The following UBR3 variants were observed in gnomAD, a reference collection of about 807,000 sequenced individuals.
UBR3 encodes E3 ubiquitin-protein ligase UBR3.
In UBR3, 85 loss-of-function variants were observed where a neutral mutation model predicts 243.2. The ratio of observed to expected loss-of-function variants is 0.35; its 90% CI spans 0.29 to 0.42. The LOEUF is 0.42. UBR3 is among the 10% of genes least tolerant of loss of function. The pLI is 1.00. For synonymous variants in UBR3, 748 were observed against 799.8 expected (o/e 0.94, Z 1.09); for missense variants, 1,686 against 2,300.8 (o/e 0.73, Z 5.47).
intron 1 of UBR3, among the ~76,000 whole-genome samples, chr2:169,844,470 A>AGT (rs1380337742): frequency 6.7e-6 from 1 of 148,306 alleles, no homozygotes; most frequent in Non-Finnish European, 1.5e-5. Flanking sequence ...ATGTCTGTAA[A>AGT]GTATGTAGTG....
intron 31 of UBR3, among the ~76,000 whole-genome samples, chr2:170,038,490 T>C (rs1268938253): frequency 6.6e-6 from 1 of 152,196 alleles, no homozygotes; most frequent in Non-Finnish European, 1.5e-5. Context: ...CTGTGGAAAC[T>C]TCTTCCAGGC....
intron 37 of UBR3, 35 bp from the exon 38 acceptor site, chr2:170,080,510 T>C: frequency 6.5e-7 from 1 of 1,533,176 alleles, no homozygotes; most frequent in Non-Finnish European, 8.8e-7. Flanking sequence ...GCCTATTTGA[T>C]TATGAAGTTC....
intron 26 of UBR3, 128 bp from the exon 27 acceptor site, chr2:170,001,175 AC>A: frequency 3.1e-6 from 2 of 647,672 alleles, no homozygotes; most frequent in Non-Finnish European, 5.1e-6. Flanking sequence ...AATTGATATC[AC>A]AAGAATAGAA....
intron 11 of UBR3, among the ~76,000 whole-genome samples, chr2:169,914,739 C>G (rs1237925407): frequency 6.6e-6 from 1 of 152,144 alleles, no homozygotes; most frequent in Admixed American, 6.6e-5. Context: ...AAAAGAAAGA[C>G]CATGTTTCAG....
chr2:170,077,360 T>C, intron 36 of UBR3: 1 of 964,414 alleles, frequency 1.0e-6, no homozygotes, highest in Admixed American at 1.8e-5. Context: ...GTACCTTTGG[T>C]AATAACATCC....
At chr2:169,891,806 A>T (rs567752136) in intron 6 of UBR3, among the ~76,000 whole-genome samples, 4 of 152,164 alleles carry the variant, frequency 2.6e-5, no homozygotes, top group Admixed American at 6.5e-5. Context: ...CATGTTAGAG[A>T]TTATGGCTAA....
intron 14 of UBR3, among the ~76,000 whole-genome samples, chr2:169,926,206 G>A (rs571115384): frequency 6.6e-6 from 1 of 152,320 alleles, no homozygotes; most frequent in Non-Finnish European, 1.5e-5. Context: ...TGTTTAGTAT[G>A]TTCAGGAATT....
At chr2:169,843,473 T>A (rs35964876) in intron 1 of UBR3, among the ~76,000 whole-genome samples, 64,438 of 152,058 alleles carry the variant, frequency 0.42, 15,278 homozygotes, top group Non-Finnish European at 0.54. Flanking sequence ...CCCCTAATGA[T>A]GTAATCACTT....
intron 1 of UBR3, among the ~76,000 whole-genome samples, chr2:169,867,311 A>G (rs1281764429): frequency 6.6e-6 from 1 of 152,142 alleles, no homozygotes; most frequent in African/African-American, 2.4e-5. Context: ...TGTATATACA[A>G]TTCATTTCTC....
intron 36 of UBR3, among the ~76,000 whole-genome samples, chr2:170,074,715 C>T (rs1365543112): frequency 2.0e-5 from 3 of 152,170 alleles, no homozygotes; most frequent in African/African-American, 7.2e-5. Context: ...GAAGATTTGT[C>T]TGATAGTCCA....
chr2:169,983,194 A>C (rs139001352), intron 24 of UBR3, among the ~76,000 whole-genome samples: 9 of 151,242 alleles, frequency 6.0e-5, no homozygotes, highest in African/African-American at 1.9e-4. Flanking sequence ...AAACTATGCA[A>C]GATCACCTGA....
chr2:169,836,189 T>C (rs1045082255), intron 1 of UBR3, among the ~76,000 whole-genome samples: 2 of 143,862 alleles, frequency 1.4e-5, no homozygotes, highest in Admixed American at 7.3e-5. Context: ...GTTCAAGCAA[T>C]TCTCCTGCCT....
intron 30 of UBR3, among the ~76,000 whole-genome samples, chr2:170,025,023 C>T (rs2090491054): frequency 6.6e-6 from 1 of 151,966 alleles, no homozygotes; most frequent in Non-Finnish European, 1.5e-5. Context: ...GGTAACTGAA[C>T]CAATGTGTCA....
intron 11 of UBR3, among the ~76,000 whole-genome samples, chr2:169,915,108 C>G (rs1191958625): frequency 1.3e-5 from 2 of 152,068 alleles, no homozygotes; most frequent in Non-Finnish European, 2.9e-5. Context: ...ATAACTCATT[C>G]ATGTTTTACC....
chr2:169,974,494 G>A (rs553961657), intron 24 of UBR3, among the ~76,000 whole-genome samples: 1 of 151,942 alleles, frequency 6.6e-6, no homozygotes. Context: ...TTGTATTTCC[G>A]TGGCATCGTT....
At chr2:169,856,542 C>T (rs1302923111) in intron 1 of UBR3, among the ~76,000 whole-genome samples, 2 of 152,342 alleles carry the variant, frequency 1.3e-5, no homozygotes, top group South Asian at 4.1e-4. Context: ...GCCTGGGCAG[C>T]ATTGAGCACT....
intron 29 of UBR3, among the ~76,000 whole-genome samples, chr2:170,010,483 TAAATC>T: frequency 6.6e-6 from 1 of 152,338 alleles, no homozygotes; most frequent in Admixed American, 6.5e-5. Flanking sequence ...TGTAGTATGA[TAAATC>T]AAACAATTTG....
In UBR3 at chr2:170,045,964, A is replaced by AT. The variant is rs71006066; in HGVS notation, c.4660+5002dup. Among the ~76,000 whole-genome samples, 7 of 117,958 alleles carry AT rather than the reference A, an allele frequency of 5.9e-5. 1 individual carries two copies. The highest frequency in any genetic ancestry group is 1.9e-4 in the African/African-American group (6 of 32,392). The allele number at this position is 117,958 out of a possible 152,430, so 77.4% of individuals were successfully genotyped here. A position where few individuals can be genotyped will look rare whatever the true frequency, so the allele number is the denominator to read the frequency against. On this transcript the variant is annotated intron_variant, in intron 32 of 38. Transcript: ENST00000272793. Reference sequence around the variant, plus strand: ...CAAATTCCATAGTTGCTTCTTGTAAATTTTTTTTTTTTTTTTTTTTTTTGG... The same window carrying AT: ...CAAATTCCATAGTTGCTTCTTGTAAATTTTTTTTTTTTTTTTTTTTTTTTGG...
chr2:169,857,553 AT>A (rs1362386521), intron 1 of UBR3, among the ~76,000 whole-genome samples: 1 of 150,306 alleles, frequency 6.7e-6, no homozygotes, highest in Non-Finnish European at 1.5e-5. Flanking sequence ...AGTAGCTGGG[AT>A]TACAAGTGCC....
Sources: gnomAD v4.1 joint callset for allele counts (sites outside exome capture counted in the v4.1 genomes callset) on GRCh38, gnomAD v4.1.1 for gene constraint, MANE v1.5 for transcripts, NCBI Gene and HGNC (gene_info 2026-07-23, HGNC 2026-07-21) for gene names.